Variants in CUX1 observed in about 807,000 individuals in gnomAD.
CUX1 encodes the protein protein CASP.
Under a neutral mutation model 158.8 loss-of-function variants are expected in CUX1, and 31 were observed. That is an observed-to-expected ratio of 0.20 (90% CI 0.15 to 0.26). The LOEUF (loss-of-function observed/expected upper bound fraction) is 0.26, where lower values mean the gene tolerates loss of function less well. Among genes scored for constraint, CUX1 ranks in the 10% least tolerant of loss-of-function variants. The pLI, the probability that CUX1 is intolerant of heterozygous loss-of-function variation, is 1.00. For synonymous variants in CUX1, 879 were observed against 862.1 expected (o/e 1.02, Z -0.34); for missense variants, 1,589 against 2,014.6 (o/e 0.79, Z 4.04).
chr7:101,843,797 A>G (rs1450915977), intron 1 of CUX1, among the ~76,000 whole-genome samples: 3 of 152,186 alleles, frequency 2.0e-5, no homozygotes, highest in African/African-American at 7.2e-5. Context: ...GGTGTGCAGA[A>G]TCAGCGTCAC....
intron 6 of CUX1, among the ~76,000 whole-genome samples, chr7:102,110,692 T>C (rs1830796448): frequency 6.6e-6 from 1 of 152,248 alleles, no homozygotes. Flanking sequence ...ATGTGTTTGC[T>C]TATATTACAC....
In CUX1 at chr7:102,201,025, T is replaced by TAAAAAAAAAAAAAAAAAAAAAA. The variant is rs78359248; in HGVS notation, c.2063-327_2063-306dup. Among the ~76,000 whole-genome samples, 4 of 42,140 alleles carry TAAAAAAAAAAAAAAAAAAAAAA rather than the reference T, an allele frequency of 9.5e-5. No individual in the cohort carries two copies. Among genetic ancestry groups the TAAAAAAAAAAAAAAAAAAAAAA allele is most frequent in the African/African-American group, 3.1e-4 (3 of 9,698 alleles). The allele number at this position is 42,140 out of a possible 152,430, so 27.6% of individuals were successfully genotyped here. A position where few individuals can be genotyped will look rare whatever the true frequency, so the allele number is the denominator to read the frequency against. ...CTGGACAACAGCGAGATCCTGTCGC[T>TAAAAAAAAAAAAAAAAAAAAAA]AAAAAAAAAAAAAAAAAAAAAAAAA... On this transcript the variant is annotated intron_variant, in intron 17 of 23. Coordinates refer to ENST00000292535, the MANE Select transcript of CUX1 (RefSeq NM_181552.4). This position sits in a 1 kb window ranked among gnomAD's most constrained non-coding sequence, Gnocchi z 5.0.
At chr7:101,852,506 TACTTG>T (rs1218420788) in intron 1 of CUX1, among the ~76,000 whole-genome samples, 91 of 151,944 alleles carry the variant, frequency 6.0e-4, no homozygotes, top group African/African-American at 2.1e-3. Flanking sequence ...TAGTCCCAGC[TACTTG>T]GGTAGCCGAG....
chr7:101,972,744 A>G (rs572596387), intron 2 of CUX1, among the ~76,000 whole-genome samples: 14 of 152,198 alleles, frequency 9.2e-5, no homozygotes, highest in Non-Finnish European at 1.8e-4. Flanking sequence ...CCAGGCCGCC[A>G]TGGTGGGTGG....
chr7:101,878,767 G>C (rs564788254), intron 1 of CUX1, among the ~76,000 whole-genome samples: 1 of 152,064 alleles, frequency 6.6e-6, no homozygotes, highest in South Asian at 2.1e-4. Context: ...CCGCCTCCCA[G>C]GCTCACACAA....
rs1262576701 is a variant in CUX1 at position 102,255,373 on chromosome 7, G to A, written c.*6331G>A. On this transcript the variant is annotated 3_prime_UTR_variant, in exon 24 of 24. Coordinates refer to ENST00000292535, the MANE Select transcript of CUX1 (RefSeq NM_181552.4). Reference sequence around the variant, plus strand: ...CTAACTTTAAAAGTTGGGCATTGTAGGCGAAAAATCCCAAAAAAAAAAAAA... The same window carrying A: ...CTAACTTTAAAAGTTGGGCATTGTAAGCGAAAAATCCCAAAAAAAAAAAAA... 11 of 949,728 alleles carry A rather than the reference G, an allele frequency of 1.2e-5. No individual in the cohort carries two copies. In the African/African-American group the frequency reaches 2.2e-4, roughly 19 times the overall value. The allele number at this position is 949,728 out of a possible 1,614,324, so 58.8% of individuals were successfully genotyped here. A position where few individuals can be genotyped will look rare whatever the true frequency, so the allele number is the denominator to read the frequency against.
At chr7:102,089,118 A>T (rs1032684967) in intron 4 of CUX1, among the ~76,000 whole-genome samples, 1 of 151,762 alleles carries the variant, frequency 6.6e-6, no homozygotes, top group Non-Finnish European at 1.5e-5. Context: ...TGTCTAATCT[A>T]TTGTTCAGCC....
chr7:101,923,257 G>A lies in CUX1; in HGVS notation c.141+7032G>A, dbSNP rs1805178799. On this transcript the variant is annotated intron_variant, in intron 2 of 23. Transcript: ENST00000292535. ...GGCTTCAGGGCTCTGCTATTTGAATGTGATGCTCAACTCTCCAATAAATGG... is the reference window on the plus strand; with the variant it reads ...GGCTTCAGGGCTCTGCTATTTGAATATGATGCTCAACTCTCCAATAAATGG... Among the ~76,000 whole-genome samples, 6 of 152,322 alleles carry A rather than the reference G, an allele frequency of 3.9e-5. No individual in the cohort carries two copies. The South Asian group carries it at 1.2e-3, about 32-fold the overall frequency.
intron 4 of CUX1, among the ~76,000 whole-genome samples, chr7:102,083,619 T>A (rs1388810252): frequency 6.8e-6 from 1 of 147,310 alleles, no homozygotes; most frequent in African/African-American, 2.4e-5. Flanking sequence ...GTATACGTTT[T>A]AGATTCAGCT....
At chr7:101,990,027 G>T (rs1446649805) in intron 2 of CUX1, among the ~76,000 whole-genome samples, 1 of 152,204 alleles carries the variant, frequency 6.6e-6, no homozygotes, top group Non-Finnish European at 1.5e-5. Flanking sequence ...AGAAATATTT[G>T]AGTGAAAGGT....
intron 2 of CUX1, among the ~76,000 whole-genome samples, chr7:101,936,784 A>C (rs890833363): frequency 6.6e-6 from 1 of 152,148 alleles, no homozygotes; most frequent in African/African-American, 2.4e-5. Flanking sequence ...GGGACCGGCT[A>C]GGTGGAGATC....
At chr7:102,136,592 T>C (rs1384580540) in intron 8 of CUX1, among the ~76,000 whole-genome samples, 2 of 152,202 alleles carry the variant, frequency 1.3e-5, no homozygotes, top group Non-Finnish European at 2.9e-5. Context: ...GGTTTCACCA[T>C]GTTGGTCAGG....
Position 101,999,316 on chromosome 7 carries a change from A to G in CUX1, c.142-28782A>G, listed in dbSNP as rs531602706. Among the ~76,000 whole-genome samples, 101 of 138,838 alleles carry G rather than the reference A, an allele frequency of 7.3e-4. 2 individuals are homozygous for G. The South Asian group carries it at 0.021, about 29-fold the overall frequency. 91.1% of individuals were successfully genotyped at this position (138,838 alleles called of 152,430 possible). ...TGTGATCCTCCTGCCTCAGCCTCCC[A>G]AAGTGATGGGATTACAGGCATGAGC... is the stretch of plus-strand genomic sequence containing the variant. On this transcript the variant is annotated intron_variant, in intron 2 of 23. Transcript: ENST00000292535.
rs1394517495 is a variant in CUX1, at chr7:102,254,879, A to G, written c.*5837A>G. On this transcript the variant is annotated 3_prime_UTR_variant, in exon 24 of 24. Transcript: ENST00000292535. ...TGATGATCTTATTTCTATTTCGATCAGGTTTTGACTTTTTGTAGATGAAAA... is the reference window on the plus strand; with the variant it reads ...TGATGATCTTATTTCTATTTCGATCGGGTTTTGACTTTTTGTAGATGAAAA... 2 of 985,360 alleles carry G rather than the reference A, an allele frequency of 2.0e-6. No homozygotes were observed. The highest frequency in any genetic ancestry group is 2.4e-6 in the Non-Finnish European group (2 of 829,958). 61.0% of individuals were successfully genotyped at this position (985,360 alleles called of 1,614,324 possible).
Position 102,178,377 on chromosome 7 carries a change from T to C in CUX1, c.829-92T>C. 2.4e-6 allele frequency: 3 copies of C among 1,237,036 alleles called. No individual in the cohort carries two copies. In the South Asian group the frequency reaches 4.5e-5, roughly 18 times the overall value. The allele number at this position is 1,237,036 out of a possible 1,614,324, so 76.6% of individuals were successfully genotyped here. ...CCATCACCATCCACACACTGACATC[T>C]GTGCAGCTTCTGTCTCAGTTGCCAG... On this transcript the variant is annotated intron_variant, in intron 10 of 23. Transcript: ENST00000292535.
At chr7:102,243,812 G>T (rs1554535865) in intron 23 of CUX1, among the ~76,000 whole-genome samples, 4 of 151,956 alleles carry the variant, frequency 2.6e-5, no homozygotes, top group African/African-American at 9.7e-5. Context: ...CAGATCATCT[G>T]AGGTCAGGAG....
chr7:102,100,640 G>A (rs1485990430), intron 5 of CUX1, among the ~76,000 whole-genome samples: 1 of 152,168 alleles, frequency 6.6e-6, no homozygotes, highest in African/African-American at 2.4e-5. Flanking sequence ...ATCACTTCTT[G>A]TAATTATCAC....
At chr7:101,904,723 C>G (rs1003407168) in intron 1 of CUX1, among the ~76,000 whole-genome samples, 2 of 152,058 alleles carry the variant, frequency 1.3e-5, no homozygotes, top group African/African-American at 2.4e-5. Flanking sequence ...CGCCCACCAC[C>G]ACACCCAGCT....
At chr7:101,937,691 T>G (rs879259519) in intron 2 of CUX1, among the ~76,000 whole-genome samples, 1 of 151,970 alleles carries the variant, frequency 6.6e-6, no homozygotes, top group Non-Finnish European at 1.5e-5. Context: ...TTTTGTATTT[T>G]TAGTAGAGAC....
Sources: allele counts gnomAD v4.1 joint callset (sites outside exome capture counted in the v4.1 genomes callset), GRCh38; gene constraint gnomAD v4.1.1; non-coding constraint Gnocchi (gnomAD v3.1); transcripts MANE v1.5; gene names NCBI Gene and HGNC (gene_info 2026-07-23, HGNC 2026-07-21).